The following LRRN1 variants were observed in gnomAD, a reference collection of about 807,000 sequenced individuals.
The protein encoded by LRRN1 is leucine rich repeat neuronal 1, also known as leucine-rich repeat neuronal protein 1.
In LRRN1, 14 loss-of-function variants were observed where a neutral mutation model predicts 45.8. The ratio of observed to expected loss-of-function variants is 0.31; its 90% CI spans 0.20 to 0.48. LRRN1 has a LOEUF of 0.48. LRRN1 is among the 20% of genes least tolerant of loss of function. The pLI, the probability that LRRN1 is intolerant of heterozygous loss-of-function variation, is 0.99. For synonymous variants in LRRN1, 359 were observed against 330.1 expected (o/e 1.09, Z -0.95); for missense variants, 789 against 874.2 (o/e 0.90, Z 1.23).
intron 1 of LRRN1, among the ~76,000 whole-genome samples, chr3:3,819,956 C>G (rs1693069567): frequency 6.6e-6 from 1 of 152,164 alleles, no homozygotes; most frequent in African/African-American, 2.4e-5. Context: ...ATGTGTGGAG[C>G]TGGATTTTAA....
chr3:3,806,171 C>T (rs185515848), intron 1 of LRRN1, among the ~76,000 whole-genome samples: 7 of 152,266 alleles, frequency 4.6e-5, no homozygotes, highest in East Asian at 3.9e-4. Context: ...GGAAGCCCCA[C>T]GACGGAGAAT....
Position 3,834,741 on chromosome 3 carries a change from C to T in LRRN1, c.-278-9623C>T, listed in dbSNP as rs775639899. Among the ~76,000 whole-genome samples, 15 of 151,036 alleles carry T rather than the reference C, an allele frequency of 9.9e-5. 1 individual carries two copies. The highest frequency in any genetic ancestry group is 7.8e-4 in the East Asian group (4 of 5,114). On this transcript the variant is annotated intron_variant, in intron 1 of 1. Coordinates refer to ENST00000319331, the MANE Select transcript of LRRN1 (RefSeq NM_020873.7). The stretch of plus-strand genomic sequence containing the variant: ...ACTGAAGAACTTGGAGTCTGATGTT[C>T]GAGGGCAGGAAGCATCCAGCACAGG...
At chr3:3,803,522 T>C (rs1692697595) in intron 1 of LRRN1, among the ~76,000 whole-genome samples, 2 of 152,190 alleles carry the variant, frequency 1.3e-5, no homozygotes, top group South Asian at 2.1e-4. Flanking sequence ...TTTTAAAAAA[T>C]TATGCTGAAC....
Position 3,844,601 on chromosome 3 carries a change from A to T in LRRN1, c.-41A>T. ...AATATAGTGTTCACGTTTTGTTAAAACTTTGGGGTGTCAGGAGTTGAGCTT... is the reference window on the plus strand; with the variant it reads ...AATATAGTGTTCACGTTTTGTTAAATCTTTGGGGTGTCAGGAGTTGAGCTT... On this transcript the variant is annotated 5_prime_UTR_variant, in exon 2 of 2. Coordinates refer to ENST00000319331, the MANE Select transcript of LRRN1 (RefSeq NM_020873.7). The T allele has an allele frequency of 6.6e-7, 1 of 1,507,924 alleles. No individual in the cohort carries two copies. The highest frequency in any genetic ancestry group is 1.4e-5 in the African/African-American group (1 of 72,292). The allele number at this position is 1,507,924 out of a possible 1,614,324, so 93.4% of individuals were successfully genotyped here.
intron 1 of LRRN1, among the ~76,000 whole-genome samples, chr3:3,842,401 AT>A (rs201302330): frequency 2.5e-3 from 371 of 145,954 alleles, no homozygotes; most frequent in Middle Eastern, 7.1e-3. Context: ...TCTGGATTTA[AT>A]TTTTTTTTTT....
chr3:3,802,210 A>G (rs889222281), intron 1 of LRRN1, among the ~76,000 whole-genome samples: 8 of 152,228 alleles, frequency 5.3e-5, no homozygotes, highest in African/African-American at 1.9e-4. Context: ...TGCCGTGTCT[A>G]ACATTAGCTG....
At position 3,827,564 on chromosome 3, in the gene LRRN1, C is replaced by G. The variant is rs371108048; in HGVS notation, c.-278-16800C>G. 43 of 449,772 alleles carry G rather than the reference C, an allele frequency of 9.6e-5. No homozygotes were observed. The East Asian group carries it at 1.3e-3, about 14-fold the overall frequency. The allele number at this position is 449,772 out of a possible 1,614,324, so 27.9% of individuals were successfully genotyped here. On this transcript the variant is annotated intron_variant, in intron 1 of 1. Transcript: ENST00000319331. The stretch of plus-strand genomic sequence containing the variant: ...ACAAAAATCCCATTTCCCCATTATT[C>G]AAGCCATTCCTAAAAGAAAGGAAGC...
chr3:3,849,794 T>C lies in LRRN1; in HGVS notation c.*3002T>C, dbSNP rs1481021355. 3.9e-5 allele frequency among the ~76,000 whole-genome samples: 6 copies of C among 152,342 alleles called. No homozygotes were observed. The highest frequency in any genetic ancestry group is 5.9e-5 in the Non-Finnish European group (4 of 68,036). On this transcript the variant is annotated 3_prime_UTR_variant, in exon 2 of 2. Transcript: ENST00000319331. ...TGATTTGGCAAAAAGGAATCATCTC[T>C]ATTTTTTTGCAAACAATATCAAAGT...
At chr3:3,839,294 G>A (rs991112970) in intron 1 of LRRN1, among the ~76,000 whole-genome samples, 1 of 152,066 alleles carries the variant, frequency 6.6e-6, no homozygotes, top group Non-Finnish European at 1.5e-5. Context: ...CCTTGTCAAA[G>A]ATCATAAAGA....
At position 3,845,358 on chromosome 3, in the gene LRRN1, T is replaced by C; in HGVS notation, c.717T>C (p.Asp239=). 1.9e-6 allele frequency: 3 copies of C among 1,614,132 alleles called. No individual in the cohort carries two copies. The highest frequency in any genetic ancestry group is 2.5e-6 in the Non-Finnish European group (3 of 1,180,006). The stretch of plus-strand genomic sequence containing the variant: ...CTGGAAATGCTTTGGTGGGTCTGGA[T>C]AGCCTTGAGAGCCTGTCTTTTTATG... ...DIPGNALVGL[D]SLESLSFYDN... Residue 239 remains aspartate (D), a synonymous_variant, in exon 2 of 2, where the codon GAT becomes GAC. Coordinates refer to ENST00000319331, the MANE Select transcript of LRRN1 (RefSeq NM_020873.7). The surrounding 1 kb of genome is among the most constrained non-coding windows in gnomAD (Gnocchi z 6.5).
chr3:3,822,876 A>G (rs1693134053), intron 1 of LRRN1: 1 of 152,154 alleles, frequency 6.6e-6, no homozygotes, highest in South Asian at 2.1e-4. Context: ...CATCGGGGGG[A>G]GAAGAAGACT....
At chr3:3,820,855 C>T (rs535822923) in intron 1 of LRRN1, among the ~76,000 whole-genome samples, 1 of 152,306 alleles carries the variant, frequency 6.6e-6, no homozygotes, top group African/African-American at 2.4e-5. Context: ...CCTCTGAGAA[C>T]ACTCTGATGA....
intron 1 of LRRN1, among the ~76,000 whole-genome samples, chr3:3,815,356 C>G (rs1216178745): frequency 1.3e-5 from 2 of 152,132 alleles, no homozygotes; most frequent in Non-Finnish European, 2.9e-5. Flanking sequence ...GTGTACAGCT[C>G]CCCACCTCCC....
chr3:3,800,115 C>T (rs1692613210), intron 1 of LRRN1, among the ~76,000 whole-genome samples, 196 bp downstream of exon 1: 1 of 140,040 alleles, frequency 7.1e-6, no homozygotes, highest in Non-Finnish European at 1.5e-5. Flanking sequence ...AATATAGTGC[C>T]CCGTTTCCCC....
chr3:3,829,862 A>C (rs1693327671), intron 1 of LRRN1, among the ~76,000 whole-genome samples: 1 of 152,212 alleles, frequency 6.6e-6, no homozygotes, highest in African/African-American at 2.4e-5. Context: ...TATTCCAGTG[A>C]GGACAAACCT....
intron 1 of LRRN1, among the ~76,000 whole-genome samples, chr3:3,836,365 C>T (rs1575297887): frequency 6.6e-6 from 1 of 152,164 alleles, no homozygotes; most frequent in African/African-American, 2.4e-5. Context: ...ACCTCCAAGC[C>T]CTTGGCAACC....
chr3:3,801,869 C>G (rs192700432), intron 1 of LRRN1, among the ~76,000 whole-genome samples: 1 of 152,154 alleles, frequency 6.6e-6, no homozygotes, highest in Non-Finnish European at 1.5e-5. Context: ...CCACTTCTGG[C>G]GGCTTGAAGT....
chr3:3,818,490 T>C (rs545305695), intron 1 of LRRN1, among the ~76,000 whole-genome samples: 4 of 152,284 alleles, frequency 2.6e-5, no homozygotes, highest in Admixed American at 6.5e-5. Context: ...GCTATGCAAA[T>C]AGTCTATTTC....
intron 1 of LRRN1, among the ~76,000 whole-genome samples, chr3:3,818,004 C>T (rs938316974): frequency 1.6e-4 from 25 of 152,234 alleles, no homozygotes; most frequent in Admixed American, 7.9e-4. Flanking sequence ...TTGGCACTTT[C>T]AGTGCCCACA....
Sources: allele counts gnomAD v4.1 joint callset (sites outside exome capture counted in the v4.1 genomes callset), GRCh38; gene constraint gnomAD v4.1.1; non-coding constraint Gnocchi (gnomAD v3.1); transcripts MANE v1.5; gene names NCBI Gene and HGNC (gene_info 2026-07-23, HGNC 2026-07-21).